Variants in CPAMD8 observed in about 807,000 individuals in gnomAD.
CPAMD8 encodes C3 and PZP-like alpha-2-macroglobulin domain-containing protein 8.
A neutral mutation model predicts 224.7 loss-of-function variants in CPAMD8; 146 were observed. That is an observed-to-expected ratio of 0.65 (90% CI 0.57 to 0.75). The LOEUF is 0.75. CPAMD8 is among the 30% of genes least tolerant of loss of function. The pLI, the probability that CPAMD8 is intolerant of heterozygous loss-of-function variation, is 0.00. For synonymous variants in CPAMD8, 966 were observed against 1,044.6 expected (o/e 0.92, Z 1.45); for missense variants, 2,301 against 2,537.5 (o/e 0.91, Z 2.00).
At chr19:16,904,143 G>A (rs1020956897) in intron 32 of CPAMD8, 83 bp downstream of exon 32, 4 of 1,431,134 alleles carry the variant, frequency 2.8e-6, no homozygotes, top group Non-Finnish European at 3.8e-6. Flanking sequence ...AGACTGCCTG[G>A]CCACCTCAGA....
rs11307564 is a variant in CPAMD8, at chr19:17,019,953, C to CT, written c.267+377dup. The stretch of plus-strand genomic sequence containing the variant: ...TCTCTTATTCCATCCCAATTCAATT[C>CT]TTTTTTTTTTTTCTTTTCTTTTTTT... On this transcript the variant is annotated intron_variant, in intron 3 of 41. Transcript: ENST00000443236. 9.3e-3 allele frequency among the ~76,000 whole-genome samples: 1,146 copies of CT among 123,186 alleles called. 13 individuals are homozygous for CT. The highest frequency in any genetic ancestry group is 0.029 in the African/African-American group (958 of 32,722). The allele number at this position is 123,186 out of a possible 152,430, so 80.8% of individuals were successfully genotyped here.
chr19:16,893,499 G>T (rs1053386071), intron 41 of CPAMD8, 160 bp from the exon 42 acceptor site: 23 of 582,930 alleles, frequency 3.9e-5, no homozygotes, highest in Non-Finnish European at 7.0e-5. Context: ...GCAGCGAGGG[G>T]CCTCCGTGCT....
intron 29 of CPAMD8, among the ~76,000 whole-genome samples, chr19:16,910,058 G>A (rs553901313): frequency 9.2e-5 from 14 of 151,766 alleles, no homozygotes; most frequent in Middle Eastern, 3.4e-3. Context: ...TGCCATATTG[G>A]CCAGGCTGGT....
intron 18 of CPAMD8, among the ~76,000 whole-genome samples, chr19:16,962,888 C>A (rs1247479489): frequency 3.9e-5 from 6 of 152,164 alleles, no homozygotes; most frequent in African/African-American, 1.4e-4. Flanking sequence ...GGCCAATATT[C>A]AACATTCTTA....
chr19:16,948,800 A>AGG, intron 20 of CPAMD8, among the ~76,000 whole-genome samples: 1 of 122,420 alleles, frequency 8.2e-6, no homozygotes, highest in Non-Finnish European at 1.7e-5. Context: ...AGGGAGGGGA[A>AGG]GAGAGGGGAA....
chr19:16,909,853 G>A (rs1392283205), intron 29 of CPAMD8, among the ~76,000 whole-genome samples: 1 of 152,076 alleles, frequency 6.6e-6, no homozygotes, highest in Non-Finnish European at 1.5e-5. Flanking sequence ...GATCGGCACG[G>A]GAGTTTTTGT....
intron 30 of CPAMD8, 55 bp downstream of exon 30, chr19:16,906,897 C>T: frequency 6.7e-7 from 1 of 1,493,056 alleles, no homozygotes; most frequent in Non-Finnish European, 9.1e-7. Flanking sequence ...GTTTACCAGA[C>T]TCCACAGTGG....
Position 17,000,473 on chromosome 19 carries a change from C to T in CPAMD8, c.808G>A (p.Val270Ile), listed in dbSNP as rs201964890. The T allele has an allele frequency of 1.1e-3, 1,658 of 1,542,064 alleles. 7 individuals carry two copies. The highest frequency in any genetic ancestry group is 3.1e-3 in the South Asian group (282 of 89,990). ...TGGCTGTAGTACCCTACACCATTAA[C>T]AGTCATGTTGATCATTAAGGCACCA... ...VAGALMINMT[V>I]NGVGYYSHEV... is the part of the protein sequence containing the mutation. Residue 270 changes from valine (V) to isoleucine (I), a missense_variant, in exon 10 of 42, where the codon GTT (valine) becomes ATT (isoleucine). Physicochemically the swap from Val to Ile is conservative, Grantham distance 29 (BLOSUM62 3). Coordinates refer to ENST00000443236, the MANE Select transcript of CPAMD8 (RefSeq NM_015692.5).
chr19:17,002,447 C>T, intron 8 of CPAMD8, 97 bp from the exon 9 acceptor site: 1 of 748,316 alleles, frequency 1.3e-6, no homozygotes, highest in Non-Finnish European at 2.3e-6. Flanking sequence ...ACCACAGCAC[C>T]TGGCCACCAC....
chr19:16,952,752 G>A (rs2054337946), intron 19 of CPAMD8, among the ~76,000 whole-genome samples: 1 of 152,182 alleles, frequency 6.6e-6, no homozygotes, highest in Non-Finnish European at 1.5e-5. Flanking sequence ...CATTTCCCAT[G>A]TTCATGGATC....
Position 16,897,684 on chromosome 19 carries a change from C to G in CPAMD8, c.5065+7G>C. On this transcript the variant is annotated splice_region_variant and intron_variant, in intron 39 of 41. Transcript: ENST00000443236. ...GGTGGGGGGCGGCAGTGGCTCCGCG[C>G]ACTCACCCGGGCCCCGGGCAGGGGC... 1 of 1,480,028 alleles carries G rather than the reference C, an allele frequency of 6.8e-7. No homozygotes were observed. 91.7% of individuals were successfully genotyped at this position (1,480,028 alleles called of 1,614,324 possible). A position where few individuals can be genotyped will look rare whatever the true frequency, so the allele number is the denominator to read the frequency against.
chr19:16,967,799 A>C (rs2054880159), intron 18 of CPAMD8, among the ~76,000 whole-genome samples: 1 of 130,806 alleles, frequency 7.6e-6, no homozygotes, highest in African/African-American at 2.9e-5. Context: ...ACAGAGTGAG[A>C]CTCTGTCTCA....
intron 8 of CPAMD8, among the ~76,000 whole-genome samples, chr19:17,003,322 TC>T (rs2056391050): frequency 2.0e-5 from 3 of 151,956 alleles, no homozygotes; most frequent in Admixed American, 1.3e-4. Context: ...CGCCTCAGCT[TC>T]CCGAGTAGCG....
intron 1 of CPAMD8, among the ~76,000 whole-genome samples, chr19:17,023,897 A>G (rs1032876985): frequency 6.6e-6 from 1 of 152,144 alleles, no homozygotes; most frequent in Non-Finnish European, 1.5e-5. Context: ...CTCTAGAACA[A>G]CCCAACATCC....
At chr19:16,931,489 G>A (rs1423247048) in intron 23 of CPAMD8, among the ~76,000 whole-genome samples, 3 of 152,154 alleles carry the variant, frequency 2.0e-5, no homozygotes, top group African/African-American at 7.2e-5. Flanking sequence ...CAGATTGCTT[G>A]GGAGCCGGAG....
In CPAMD8 at chr19:16,925,383, G is replaced by A; in HGVS notation, c.3371-11C>T. ...GCCCCATGACGTCCCCTGGTGGGAA[G>A]GAGAAGAGAGTTGAGTTGGGGGCTG... is the stretch of plus-strand genomic sequence containing the variant. On this transcript the variant is annotated splice_polypyrimidine_tract_variant and intron_variant, in intron 25 of 41. Transcript: ENST00000443236. 6.2e-7 allele frequency: 1 copy of A among 1,610,466 alleles called. No homozygotes were observed. Among genetic ancestry groups the A allele is most frequent in the Non-Finnish European group, 8.5e-7 (1 of 1,176,956 alleles).
intron 41 of CPAMD8, chr19:16,895,827 A>C (rs1326491693): frequency 8.5e-6 from 4 of 469,264 alleles, no homozygotes; most frequent in South Asian, 6.3e-5. Flanking sequence ...AAAAAATCTG[A>C]AATCCGAAAC....
At chr19:16,929,267 T>A in intron 23 of CPAMD8, 27 bp from the exon 24 acceptor site, 1 of 1,563,788 alleles carries the variant, frequency 6.4e-7, no homozygotes, top group Non-Finnish European at 8.7e-7. Context: ...AGATGGGGAG[T>A]TGAGAGGGCA....
intron 18 of CPAMD8, among the ~76,000 whole-genome samples, chr19:16,966,790 T>C (rs2054841813): frequency 6.6e-6 from 1 of 152,182 alleles, no homozygotes; most frequent in African/African-American, 2.4e-5. Flanking sequence ...CACAATGAGA[T>C]ACCATCTCAT....
Sources: gnomAD v4.1 joint callset for allele counts (sites outside exome capture counted in the v4.1 genomes callset) on GRCh38, gnomAD v4.1.1 for gene constraint, MANE v1.5 for transcripts, NCBI Gene and HGNC (gene_info 2026-07-23, HGNC 2026-07-21) for gene names.